Variants in GRXCR1 observed in about 807,000 individuals in gnomAD.
GRXCR1 encodes the protein glutaredoxin and cysteine rich domain containing 1.
A neutral mutation model predicts 27.3 loss-of-function variants in GRXCR1; 27 were observed. The observed-to-expected ratio is 0.99, with a 90% CI of 0.73 to 1.37. The LOEUF (loss-of-function observed/expected upper bound fraction) is 1.37, where lower values mean the gene tolerates loss of function less well. Among genes scored for constraint, GRXCR1 ranks in the 40% most tolerant of loss-of-function variants. The pLI is 0.00. For synonymous variants in GRXCR1, 122 were observed against 131.1 expected (o/e 0.93, Z 0.47); for missense variants, 379 against 354.4 (o/e 1.07, Z -0.56).
At chr4:42,929,534 T>C (rs1471739559) in intron 1 of GRXCR1, among the ~76,000 whole-genome samples, 2 of 151,978 alleles carry the variant, frequency 1.3e-5, no homozygotes, top group African/African-American at 2.4e-5. Flanking sequence ...CATAAGCATA[T>C]GTGAGTTCCC....
At chr4:42,913,601 A>G (rs1746812930) in intron 1 of GRXCR1, among the ~76,000 whole-genome samples, 1 of 152,196 alleles carries the variant, frequency 6.6e-6, no homozygotes. Flanking sequence ...ATGAAGAGAT[A>G]GAAAAGAAAA....
chr4:42,996,089 A>G (rs1712146914), intron 2 of GRXCR1, among the ~76,000 whole-genome samples: 1 of 152,198 alleles, frequency 6.6e-6, no homozygotes, highest in Non-Finnish European at 1.5e-5. Context: ...CTTTAGAAGC[A>G]TGCACAAAAA....
chr4:43,023,659 C>T (rs546679387), intron 3 of GRXCR1, among the ~76,000 whole-genome samples: 1 of 152,212 alleles, frequency 6.6e-6, no homozygotes, highest in African/African-American at 2.4e-5. Flanking sequence ...ATGTGAGCTC[C>T]ATGTGAACAC....
intron 1 of GRXCR1, among the ~76,000 whole-genome samples, chr4:42,955,812 C>T (rs1747990298): frequency 6.6e-6 from 1 of 152,048 alleles, no homozygotes; most frequent in South Asian, 2.1e-4. Context: ...CTAGGAGACC[C>T]ATTTCAGGAG....
intron 2 of GRXCR1, among the ~76,000 whole-genome samples, chr4:42,964,155 AGTATTGATCCTCTTTTT>A (rs1188885631): frequency 6.6e-6 from 1 of 152,028 alleles, no homozygotes; most frequent in Non-Finnish European, 1.5e-5. Flanking sequence ...GCTGATTTGA[AGTATTGATCCTCTTTTT>A]GTTGCATTTC....
chr4:42,969,625 C>G (rs893205504), intron 2 of GRXCR1, among the ~76,000 whole-genome samples: 1 of 152,026 alleles, frequency 6.6e-6, no homozygotes, highest in South Asian at 2.1e-4. Flanking sequence ...TCGTGAGAAC[C>G]TGCTATCATG....
At chr4:43,009,597 A>G (rs1712673353) in intron 2 of GRXCR1, among the ~76,000 whole-genome samples, 2 of 152,258 alleles carry the variant, frequency 1.3e-5, no homozygotes, top group South Asian at 4.2e-4. Flanking sequence ...GTACTGGAAG[A>G]CTTGGTGTCT....
intron 1 of GRXCR1, among the ~76,000 whole-genome samples, chr4:42,900,332 T>G (rs1746432497): frequency 6.6e-6 from 1 of 152,182 alleles, no homozygotes; most frequent in African/African-American, 2.4e-5. Flanking sequence ...TTGCTCAATT[T>G]TATTTTTCTA....
At chr4:42,987,991 T>C (rs1448533584) in intron 2 of GRXCR1, among the ~76,000 whole-genome samples, 1 of 152,196 alleles carries the variant, frequency 6.6e-6, no homozygotes, top group Non-Finnish European at 1.5e-5. Context: ...CCCTCCTTGC[T>C]CTTCTCATTG....
intron 1 of GRXCR1, among the ~76,000 whole-genome samples, chr4:42,962,691 T>A (rs923844250): frequency 1.3e-5 from 2 of 152,028 alleles, no homozygotes; most frequent in Non-Finnish European, 2.9e-5. Flanking sequence ...GGAAAAAAAT[T>A]AAATTATGTA....
At chr4:43,012,357 GAAAT>G (rs1712781042) in intron 2 of GRXCR1, among the ~76,000 whole-genome samples, 1 of 152,136 alleles carries the variant, frequency 6.6e-6, no homozygotes, top group Non-Finnish European at 1.5e-5. Flanking sequence ...TCTTGTATAA[GAAAT>G]AATCATATAT....
chr4:42,981,488 C>T lies in GRXCR1; in HGVS notation c.627+18354C>T, dbSNP rs568629018. 3.8e-3 allele frequency among the ~76,000 whole-genome samples: 584 copies of T among 152,280 alleles called. 1 individual carries two copies. Among genetic ancestry groups the T allele is most frequent in the African/African-American group, 4.9e-3 (204 of 41,562 alleles). ...ATAAGTGATGTACAAACCACCATTA[C>T]GGTATTAGAATATCTGAATTTCATG... On this transcript the variant is annotated intron_variant, in intron 2 of 3. Transcript: ENST00000399770.
rs58948726 is a variant in GRXCR1, at chr4:42,916,099, G to GAA, written c.384+22460_384+22461dup. On this transcript the variant is annotated intron_variant, in intron 1 of 3. Transcript: ENST00000399770. Reference sequence around the variant, plus strand: ...GGTTTACCTTTCTTACATCATTTCAGAAAAAAAAAAAAGATTACTGAAGCA... The same window carrying GAA: ...GGTTTACCTTTCTTACATCATTTCAGAAAAAAAAAAAAAAGATTACTGAAGCA... Among the ~76,000 whole-genome samples the GAA allele has an allele frequency of 8.2e-3, 1,197 of 145,840 alleles. 6 individuals carry two copies. The highest frequency in any genetic ancestry group is 0.018 in the African/African-American group (694 of 39,590).
Position 43,009,491 on chromosome 4 carries a change from A to G in GRXCR1, c.628-10863A>G, listed in dbSNP as rs75862869. Among the ~76,000 whole-genome samples the G allele has an allele frequency of 7.0e-4, 106 of 152,252 alleles. No individual in the cohort carries two copies. In the East Asian group the frequency reaches 0.02, roughly 29 times the overall value. On this transcript the variant is annotated intron_variant, in intron 2 of 3. Transcript: ENST00000399770. The stretch of plus-strand genomic sequence containing the variant: ...CACATAGATCTATATGTATTAGTCC[A>G]TTAGGGCTGCTATAAAAAATGCCAT...
At chr4:43,019,718 G>A (rs1157986551) in intron 2 of GRXCR1, among the ~76,000 whole-genome samples, 2 of 152,124 alleles carry the variant, frequency 1.3e-5, no homozygotes, top group African/African-American at 2.4e-5. Context: ...GCTCTGGAGT[G>A]CATGCCCTAC....
At chr4:43,005,074 C>T (rs1052857964) in intron 2 of GRXCR1, among the ~76,000 whole-genome samples, 1 of 152,148 alleles carries the variant, frequency 6.6e-6, no homozygotes, top group Admixed American at 6.6e-5. Flanking sequence ...CAGTTTGCCT[C>T]ATGCTGTTCT....
In GRXCR1 at chr4:42,962,958, A is replaced by G. The variant is rs758265797; in HGVS notation, c.451A>G (p.Thr151Ala). The change falls in exon 2 of 4, where the codon ACA becomes GCA. Residue 151 changes from threonine to alanine, a missense_variant. Thr to Ala is a moderately conservative substitution (Grantham distance 58, BLOSUM62 0). Transcript: ENST00000399770. ...TACCACCTGCCTTCGTGTGGTCCGG[A>G]CAACCTTTGAAAGATGTGAACTGGT... ...IYTTCLRVVR[T>A]TFERCELVRK... 5.0e-6 allele frequency: 8 copies of G among 1,612,772 alleles called. No homozygotes were observed. Among genetic ancestry groups the G allele is most frequent in the Non-Finnish European group, 6.8e-6 (8 of 1,179,188 alleles).
At chr4:42,926,337 T>C (rs1747156968) in intron 1 of GRXCR1, among the ~76,000 whole-genome samples, 1 of 152,056 alleles carries the variant, frequency 6.6e-6, no homozygotes, top group Non-Finnish European at 1.5e-5. Context: ...AAATTATTTT[T>C]TGGTCTGTTT....
chr4:42,902,847 G>A (rs1055995918), intron 1 of GRXCR1, among the ~76,000 whole-genome samples: 2 of 152,128 alleles, frequency 1.3e-5, no homozygotes, highest in African/African-American at 4.8e-5. Flanking sequence ...TAAAATAAAA[G>A]TTGAAGAAAA....
Sources: allele counts gnomAD v4.1 joint callset (sites outside exome capture counted in the v4.1 genomes callset), GRCh38; gene constraint gnomAD v4.1.1; transcripts MANE v1.5; gene names NCBI Gene and HGNC (gene_info 2026-07-23, HGNC 2026-07-21).